GPHN: variants seen among roughly 807,000 people sequenced by gnomAD.
The protein encoded by GPHN is gephyrin.
Under a neutral mutation model 95.5 loss-of-function variants are expected in GPHN, and 17 were observed. That is an observed-to-expected ratio of 0.18 (90% CI 0.12 to 0.27). GPHN has a LOEUF of 0.27. GPHN is among the 10% of genes least tolerant of loss of function. The pLI is 1.00. For missense variants in GPHN, 660 were observed against 978.1 expected, an observed-to-expected ratio of 0.67 and a Z score of 4.34; for synonymous variants, 320 against 322.5, an observed-to-expected ratio of 0.99 and a Z score of 0.08.
At chr14:67,184,992 A>G (rs2083361547), downstream of GPHN, among the ~76,000 whole-genome samples, 1 of 152,198 alleles carries the variant, frequency 6.6e-6, no homozygotes, top group East Asian at 1.9e-4. Context: ...CAAAAGAAAT[A>G]CCAAGAAGGA....
the GPHN span, among the ~76,000 whole-genome samples, chr14:67,225,743 T>G: frequency 6.6e-6 from 1 of 152,198 alleles, no homozygotes; most frequent in Non-Finnish European, 1.5e-5. Context: ...CACAGCTGTA[T>G]AGGGTGGCCC....
intron 1 of GPHN, among the ~76,000 whole-genome samples, chr14:66,561,955 T>C (rs529441028): frequency 8.5e-5 from 13 of 152,218 alleles, no homozygotes; most frequent in Admixed American, 7.8e-4. Flanking sequence ...TTCTTCCTTC[T>C]TCAAAGCCAA....
chr14:67,212,626 TATATATA>T, the GPHN span, among the ~76,000 whole-genome samples: 1 of 145,236 alleles, frequency 6.9e-6, no homozygotes, highest in South Asian at 2.1e-4. Context: ...TAATATATAT[TATATATA>T]ATATATATTA....
chr14:66,565,101 G>T (rs2060408197), intron 1 of GPHN, among the ~76,000 whole-genome samples: 1 of 152,128 alleles, frequency 6.6e-6, no homozygotes, highest in Non-Finnish European at 1.5e-5. Flanking sequence ...GAGGACATGG[G>T]CCAGATGGGT....
chr14:66,633,979 C>CT (rs1272910855), intron 1 of GPHN, among the ~76,000 whole-genome samples: 2 of 149,652 alleles, frequency 1.3e-5, no homozygotes, highest in Non-Finnish European at 3.0e-5. Flanking sequence ...ATATCTATCT[C>CT]TGTTTAATTT....
chr14:67,558,522 ATAGT>A, the GPHN span, among the ~76,000 whole-genome samples: 1 of 152,218 alleles, frequency 6.6e-6, no homozygotes, highest in Non-Finnish European at 1.5e-5. Context: ...TGAGTAGCTC[ATAGT>A]TAGAAGTGGC....
chr14:66,859,104 C>T (rs762285948), intron 4 of GPHN, among the ~76,000 whole-genome samples: 12 of 152,168 alleles, frequency 7.9e-5, no homozygotes, highest in Non-Finnish European at 1.6e-4. Context: ...GGGAAGGACA[C>T]AAGCCTGTCT....
chr14:67,388,116 G>T, the GPHN span: 1 of 697,902 alleles, frequency 1.4e-6, no homozygotes, highest in Non-Finnish European at 2.6e-6. Context: ...GTCTCATGGA[G>T]AAAGCCCTGC....
the GPHN span, among the ~76,000 whole-genome samples, chr14:67,343,638 G>A: frequency 6.6e-6 from 1 of 152,220 alleles, no homozygotes; most frequent in East Asian, 1.9e-4. Context: ...GCTGAGGTGG[G>A]AGAATCACTT....
At chr14:67,199,769 A>C in the GPHN span, 13 of 1,538,480 alleles carry the variant, frequency 8.4e-6, no homozygotes, top group Non-Finnish European at 1.2e-5. Context: ...TCCACCAGGC[A>C]TGCCTCCTCC....
chr14:66,872,782 C>G (rs1320211270), intron 4 of GPHN, among the ~76,000 whole-genome samples: 1 of 151,704 alleles, frequency 6.6e-6, no homozygotes, highest in Non-Finnish European at 1.5e-5. Context: ...GTAATCACAG[C>G]TACTCGGAAG....
the GPHN span, chr14:67,600,235 G>C: frequency 5.6e-5 from 85 of 1,507,492 alleles, 1 homozygote; most frequent in South Asian, 9.8e-4. Context: ...GCACCGCGCG[G>C]CGCTGCACTG....
the GPHN span, among the ~76,000 whole-genome samples, chr14:67,604,001 T>C: frequency 6.6e-6 from 1 of 151,750 alleles, no homozygotes; most frequent in Non-Finnish European, 1.5e-5. Flanking sequence ...TTTTTGTTTT[T>C]GTTTTTTTTT....
At chr14:67,416,323 A>AG in the GPHN span, among the ~76,000 whole-genome samples, 1 of 152,172 alleles carries the variant, frequency 6.6e-6, no homozygotes, top group Admixed American at 6.5e-5. Context: ...GGCCAGCTAG[A>AG]GGGACGTCCC....
rs562271171 is a variant in GPHN, at chr14:66,957,486, G to T, written c.829-7705G>T. ...GTTGGGATTACAGGCATGAGCCACCGCACCTGGTCCCAAATTTCTTTCTGT... is the reference window on the plus strand; with the variant it reads ...GTTGGGATTACAGGCATGAGCCACCTCACCTGGTCCCAAATTTCTTTCTGT... On this transcript the variant is annotated intron_variant, in intron 8 of 22. Coordinates refer to ENST00000478722, the MANE Select transcript of GPHN (RefSeq NM_020806.5). Among the ~76,000 whole-genome samples the T allele has an allele frequency of 2.0e-5, 3 of 152,024 alleles. No homozygotes were observed. In the East Asian group the frequency reaches 5.8e-4, roughly 29 times the overall value.
intron 5 of GPHN, among the ~76,000 whole-genome samples, chr14:66,911,253 A>G (rs2065661827): frequency 6.6e-6 from 1 of 151,930 alleles, no homozygotes; most frequent in Non-Finnish European, 1.5e-5. Flanking sequence ...GTGAATGCCT[A>G]GGGCTGGGAG....
intron 4 of GPHN, among the ~76,000 whole-genome samples, chr14:66,855,078 C>T (rs1343136684): frequency 6.6e-6 from 1 of 152,090 alleles, no homozygotes; most frequent in Non-Finnish European, 1.5e-5. Flanking sequence ...AACTCCTGAC[C>T]TTAGGTGATC....
intron 2 of GPHN, among the ~76,000 whole-genome samples, chr14:66,772,951 T>C (rs140322522): frequency 1.6e-3 from 245 of 152,284 alleles, no homozygotes; most frequent in African/African-American, 5.8e-3. Context: ...TTTAGAAAAA[T>C]TAATGCCTTG....
chr14:67,125,064 A>G (rs1010886663), intron 17 of GPHN, among the ~76,000 whole-genome samples: 1 of 152,206 alleles, frequency 6.6e-6, no homozygotes, highest in African/African-American at 2.4e-5. Context: ...TGAATGTACA[A>G]ATCTCTAGTG....
Sources: allele counts gnomAD v4.1 joint callset (sites outside exome capture counted in the v4.1 genomes callset), GRCh38; gene constraint gnomAD v4.1.1; transcripts MANE v1.5; gene names NCBI Gene and HGNC (gene_info 2026-07-23, HGNC 2026-07-21).